The following ENPP6 variants were observed in gnomAD, a reference collection of about 807,000 sequenced individuals.
The protein encoded by ENPP6 is ectonucleotide pyrophosphatase/phosphodiesterase 6.
A neutral mutation model predicts 42.0 loss-of-function variants in ENPP6; 32 were observed. The observed-to-expected ratio is 0.76, with a 90% CI of 0.58 to 1.02. The LOEUF (loss-of-function observed/expected upper bound fraction) is 1.02, where lower values mean the gene tolerates loss of function less well. Ranked by LOEUF, ENPP6 falls within the 50% of genes least tolerant of loss-of-function variation. The pLI is 0.00. For synonymous variants in ENPP6, 213 were observed against 216.0 expected, an observed-to-expected ratio of 0.99 and a Z score of 0.12; for missense variants, 552 against 566.8, an observed-to-expected ratio of 0.97 and a Z score of 0.27.
chr4:184,109,486 C>G (rs527450992), intron 6 of ENPP6, among the ~76,000 whole-genome samples: 16 of 152,112 alleles, frequency 1.1e-4, no homozygotes, highest in Non-Finnish European at 1.5e-4. Context: ...CGGATCCGGG[C>G]GTGATACATG....
At chr4:184,181,178 C>A (rs189468459) in intron 1 of ENPP6, among the ~76,000 whole-genome samples, 30 of 152,168 alleles carry the variant, frequency 2.0e-4, no homozygotes, top group African/African-American at 7.2e-4. Context: ...GATACAAAAT[C>A]AATGTGGAAA....
chr4:184,113,899 T>TTTTCTTTCTTTTC (rs1736257320), intron 5 of ENPP6, among the ~76,000 whole-genome samples: 1 of 103,626 alleles, frequency 9.7e-6, no homozygotes, highest in Non-Finnish European at 2.0e-5. Flanking sequence ...CCTTTCTTTC[T>TTTTCTTTCTTTTC]TTTCTTTCTT....
chr4:184,177,533 G>A (rs571365686), intron 1 of ENPP6, among the ~76,000 whole-genome samples: 10 of 152,178 alleles, frequency 6.6e-5, no homozygotes, highest in African/African-American at 9.7e-5. Flanking sequence ...TTTGTTAAGC[G>A]GGTCTCTGAT....
intron 1 of ENPP6, among the ~76,000 whole-genome samples, chr4:184,166,526 A>T (rs1737349482): frequency 6.6e-6 from 1 of 152,360 alleles, no homozygotes; most frequent in African/African-American, 2.4e-5. Context: ...GTTTTGACTT[A>T]AACACTTTTT....
chr4:184,150,214 C>T (rs1737003503), intron 2 of ENPP6, among the ~76,000 whole-genome samples: 1 of 152,124 alleles, frequency 6.6e-6, no homozygotes, highest in South Asian at 2.1e-4. Flanking sequence ...TTAAACGCCT[C>T]AAGACTTGAG....
At chr4:184,154,996 A>T (rs10014247) in intron 1 of ENPP6, among the ~76,000 whole-genome samples, 6 of 151,874 alleles carry the variant, frequency 4.0e-5, no homozygotes, top group Non-Finnish European at 7.4e-5. Flanking sequence ...AATAAATGTC[A>T]TGCCCATCCT....
intron 1 of ENPP6, among the ~76,000 whole-genome samples, chr4:184,178,225 C>T (rs1732483979): frequency 6.6e-6 from 1 of 151,904 alleles, no homozygotes; most frequent in Non-Finnish European, 1.5e-5. Flanking sequence ...CACAATGCAA[C>T]CACAAGTATC....
chr4:184,132,688 G>T (rs752246534), intron 2 of ENPP6, among the ~76,000 whole-genome samples: 1 of 151,408 alleles, frequency 6.6e-6, no homozygotes, highest in Non-Finnish European at 1.5e-5. Context: ...TCCATTTTAC[G>T]TTTAGATCTA....
At chr4:184,099,952 G>C (rs1463994295) in intron 6 of ENPP6, among the ~76,000 whole-genome samples, 1 of 152,258 alleles carries the variant, frequency 6.6e-6, no homozygotes, top group Non-Finnish European at 1.5e-5. Context: ...CTCATAGTCT[G>C]TGTGTGCCCC....
At chr4:184,097,218 A>G (rs1283753406) in intron 7 of ENPP6, 27 bp downstream of exon 7, 1 of 1,613,846 alleles carries the variant, frequency 6.2e-7, no homozygotes, top group Middle Eastern at 1.6e-4. Flanking sequence ...ATGGGGTCTG[A>G]GAGCATCTGG....
intron 1 of ENPP6, among the ~76,000 whole-genome samples, chr4:184,162,184 C>T (rs1183796272): frequency 1.3e-5 from 2 of 152,184 alleles, no homozygotes; most frequent in African/African-American, 2.4e-5. Context: ...CAGCAACCCC[C>T]TCCAAAATTT....
intron 6 of ENPP6, among the ~76,000 whole-genome samples, chr4:184,103,129 G>A (rs1736033551): frequency 6.6e-6 from 1 of 152,244 alleles, no homozygotes; most frequent in Non-Finnish European, 1.5e-5. Context: ...AGCTGGTACA[G>A]GGCTGCTTTC....
intron 2 of ENPP6, among the ~76,000 whole-genome samples, chr4:184,137,909 T>A (rs1318070808): frequency 1.3e-5 from 2 of 152,224 alleles, no homozygotes. Context: ...TCTCCAGGTC[T>A]TGGCATGTCT....
chr4:184,100,773 G>A (rs551125498), intron 6 of ENPP6, among the ~76,000 whole-genome samples: 76 of 152,314 alleles, frequency 5.0e-4, no homozygotes, highest in Non-Finnish European at 8.8e-4. Context: ...ATGGTGGAAC[G>A]TCCCTGCCAG....
chr4:184,170,938 T>C (rs1324623847), intron 1 of ENPP6, among the ~76,000 whole-genome samples: 1 of 152,194 alleles, frequency 6.6e-6, no homozygotes, highest in African/African-American at 2.4e-5. Context: ...CCAGTAGAAG[T>C]GTTCTCTGAA....
intron 1 of ENPP6, chr4:184,216,802 A>G (rs6820454): frequency 0.69 from 105,327 of 152,094 alleles, 37,510 homozygotes; most frequent in East Asian, 0.85. Context: ...GCTCAGGTTC[A>G]TGCAGTCGCG....
At chr4:184,143,724 G>T (rs527495447) in intron 2 of ENPP6, among the ~76,000 whole-genome samples, 3 of 152,366 alleles carry the variant, frequency 2.0e-5, no homozygotes, top group South Asian at 2.1e-4. Context: ...TCTGCAGAGA[G>T]GGGGAGGGAA....
chr4:184,163,905 T>C (rs1353805677), intron 1 of ENPP6, among the ~76,000 whole-genome samples: 1 of 152,192 alleles, frequency 6.6e-6, no homozygotes, highest in East Asian at 1.9e-4. Context: ...CTAAGAAGGA[T>C]CTTGGAAATC....
At chr4:184,122,991 G>A (rs1344364186) in intron 3 of ENPP6, among the ~76,000 whole-genome samples, 1 of 152,122 alleles carries the variant, frequency 6.6e-6, no homozygotes, top group Admixed American at 6.6e-5. Context: ...CAGCACTCAC[G>A]GGCAATTATT....
Sources: allele counts gnomAD v4.1 joint callset (sites outside exome capture counted in the v4.1 genomes callset), GRCh38; gene constraint gnomAD v4.1.1; transcripts MANE v1.5; gene names NCBI Gene and HGNC (gene_info 2026-07-23, HGNC 2026-07-21).